UBR4: variants seen among roughly 807,000 people sequenced by gnomAD.
UBR4 encodes ubiquitin protein ligase E3 component n-recognin 4.
A neutral mutation model predicts 575.6 loss-of-function variants in UBR4; 124 were observed. The observed-to-expected ratio is 0.22, with a 90% CI of 0.19 to 0.25. The LOEUF (loss-of-function observed/expected upper bound fraction) is 0.25. Ranked by LOEUF, UBR4 falls within the 10% of genes least tolerant of loss-of-function variation. The pLI is 1.00. For synonymous variants in UBR4, 2,455 were observed against 2,473.7 expected (o/e 0.99, Z 0.22); for missense variants, 4,818 against 6,478.8 (o/e 0.74, Z 8.80).
intron 104 of UBR4, among the ~76,000 whole-genome samples, chr1:19,077,372 G>C (rs1553124260): frequency 2.0e-5 from 3 of 152,214 alleles, no homozygotes; most frequent in Non-Finnish European, 2.9e-5. Context: ...GAGAGACCCG[G>C]CGGGGAAGGT....
chr1:19,105,105 C>T lies in UBR4; in HGVS notation c.12588G>A (p.Trp4196Ter). The T allele has an allele frequency of 6.2e-7, 1 of 1,614,116 alleles. No individual in the cohort carries two copies. The change falls in exon 85 of 106, where the codon TGG becomes TGA. Residue 4196 changes from tryptophan (W) to a stop codon, truncating the protein, a stop_gained. Coordinates refer to ENST00000375254, the MANE Select transcript of UBR4 (RefSeq NM_020765.3). LOFTEE classifies it high-confidence loss of function. Reference protein sequence around the residue: ...LYQKLITSAHWKVYLAARGVL... With the variant: ...LYQKLITSAH ...CTCCCCGAGCTGCCAAGTAGACTTT[C>T]CAGTGCGCAGAAGTGATGAGCTTCT... is the stretch of plus-strand genomic sequence containing the variant.
chr1:19,180,099 G>A (rs946111013), intron 17 of UBR4, among the ~76,000 whole-genome samples: 4 of 152,232 alleles, frequency 2.6e-5, no homozygotes, highest in Non-Finnish European at 5.9e-5. Context: ...GGCAGAGACA[G>A]GAAGTATTAT....
At chr1:19,205,607 C>G (rs561896499) in intron 1 of UBR4, among the ~76,000 whole-genome samples, 18 of 151,146 alleles carry the variant, frequency 1.2e-4, no homozygotes, top group African/African-American at 4.4e-4. Context: ...AAAGACTAAT[C>G]TCACAATCAT....
intron 30 of UBR4, 50 bp from the exon 31 acceptor site, chr1:19,165,399 C>T (rs376606200): frequency 3.8e-5 from 56 of 1,459,730 alleles, no homozygotes; most frequent in Non-Finnish European, 5.1e-5. Flanking sequence ...TAAAGCCCCA[C>T]ATAAAAAGCA....
intron 49 of UBR4, among the ~76,000 whole-genome samples, chr1:19,148,925 G>A (rs1015001508): frequency 2.0e-5 from 3 of 152,298 alleles, no homozygotes; most frequent in African/African-American, 2.4e-5. Flanking sequence ...CCTGTGGCAG[G>A]GATCACTGAG....
intron 90 of UBR4, among the ~76,000 whole-genome samples, chr1:19,097,928 T>C (rs1225188393): frequency 6.6e-6 from 1 of 152,224 alleles, no homozygotes; most frequent in Non-Finnish European, 1.5e-5. Flanking sequence ...AATCAAGTCT[T>C]TTATAAATGA....
rs1441899928 is a variant in UBR4, at chr1:19,150,698, G to A, written c.7309C>T (p.Pro2437Ser). ...ACAGAGGCAGAAGGGAATTCTTCTG[G>A]GGGCTCATCAGGCCAGCCAAACTGC... ...KEQFGWPDEP[P>S]EEFPSASVSN... is the part of the protein sequence containing the mutation. Residue 2437 changes from proline to serine, a missense_variant, in exon 49 of 106, where the codon CCA (proline) becomes TCA (serine). Physicochemically the swap from Pro to Ser is moderately conservative, Grantham distance 74 (BLOSUM62 -1). Coordinates refer to ENST00000375254, the MANE Select transcript of UBR4 (RefSeq NM_020765.3). 2.5e-6 allele frequency: 4 copies of A among 1,614,006 alleles called. No individual in the cohort carries two copies. In the South Asian group the frequency reaches 4.4e-5, roughly 18 times the overall value.
chr1:19,137,933 A>G lies in UBR4; in HGVS notation c.8906+74T>C, dbSNP rs934024243. The G allele has an allele frequency of 1.6e-5, 22 of 1,337,514 alleles. No homozygotes were observed. The Admixed American group carries it at 4.9e-4, about 30-fold the overall frequency. The allele number at this position is 1,337,514 out of a possible 1,614,324, so 82.9% of individuals were successfully genotyped here. ...TGTTATCACTACTCTACCTCCTGCA[A>G]TTGATCAGTCCTACTATTCCTGAAA... On this transcript the variant is annotated intron_variant, in intron 60 of 105. Transcript: ENST00000375254.
At chr1:19,121,080 T>C in intron 68 of UBR4, 109 bp downstream of exon 68, 1 of 1,467,610 alleles carries the variant, frequency 6.8e-7, no homozygotes, top group Non-Finnish European at 9.2e-7. Context: ...GGGCTTTAAG[T>C]CCCCTCTAAA....
In UBR4 at chr1:19,081,586, C is replaced by T. The variant is rs534030895; in HGVS notation, c.15009-13G>A. On this transcript the variant is annotated splice_polypyrimidine_tract_variant and intron_variant, in intron 102 of 105. Transcript: ENST00000375254. ...AGTTGCTCGGGTTCTAGAAGAAAAG[C>T]GGCATGATAAAATAAAAGCAGGGTG... The T allele has an allele frequency of 5.6e-6, 9 of 1,613,780 alleles. No homozygotes were observed. Among genetic ancestry groups the T allele is most frequent in the South Asian group, 4.4e-5 (4 of 91,058 alleles).
chr1:19,130,540 G>A (rs1176248616), intron 60 of UBR4, among the ~76,000 whole-genome samples: 1 of 152,176 alleles, frequency 6.6e-6, no homozygotes, highest in Non-Finnish European at 1.5e-5. Context: ...ATGAAAGAAA[G>A]TACGGGGTCT....
Position 19,117,690 on chromosome 1 carries a change from C to T in UBR4, c.10629+133G>A. Reference sequence around the variant, plus strand: ...TTTCTATTTAAGGTAATAAATGTGGCAGATAAAAATTCCTACTATCGGTGA... The same window carrying T: ...TTTCTATTTAAGGTAATAAATGTGGTAGATAAAAATTCCTACTATCGGTGA... On this transcript the variant is annotated intron_variant, in intron 72 of 105. Transcript: ENST00000375254. This position sits in a 1 kb window ranked among gnomAD's most constrained non-coding sequence, Gnocchi z 4.0. The T allele has an allele frequency of 1.1e-6, 1 of 944,260 alleles. No homozygotes were observed. 58.5% of individuals were successfully genotyped at this position (944,260 alleles called of 1,614,324 possible).
chr1:19,152,610 G>C lies in UBR4; in HGVS notation c.6833-134C>G. On this transcript the variant is annotated intron_variant, in intron 46 of 105. Transcript: ENST00000375254. This position sits in a 1 kb window ranked among gnomAD's most constrained non-coding sequence, Gnocchi z 4.4. ...AACTCTGGATTATAACATTTGCATC[G>C]GCATGATGCCTACATGTGGTTAGCT... 8.5e-7 allele frequency: 1 copy of C among 1,178,882 alleles called. No individual in the cohort carries two copies. 73.0% of individuals were successfully genotyped at this position (1,178,882 alleles called of 1,614,324 possible). A position where few individuals can be genotyped will look rare whatever the true frequency, so the allele number is the denominator to read the frequency against.
At position 19,120,329 on chromosome 1, in the gene UBR4, C is replaced by G. The variant is rs2081032803; in HGVS notation, c.10161G>C (p.Gln3387His). The G allele has an allele frequency of 1.9e-6, 3 of 1,614,174 alleles. No individual in the cohort carries two copies. In the East Asian group the frequency reaches 6.7e-5, roughly 36 times the overall value. Reference protein sequence around the residue: ...KEKDGETSGSQEDQLCTALVN... With the variant: ...KEKDGETSGSHEDQLCTALVN... ...CCAGAGCTGTGCACAGCTGGTCCTC[C>G]TGGCTGCCAGAGGTCTCACCTGCAA... The change falls in exon 69 of 106, where the codon CAG (glutamine) becomes CAC (histidine). Residue 3387 changes from glutamine to histidine, a missense_variant. By Grantham distance (24) the Gln-to-His change is conservative. Coordinates refer to ENST00000375254, the MANE Select transcript of UBR4 (RefSeq NM_020765.3).
chr1:19,185,805 T>G (rs2091474302), intron 14 of UBR4, among the ~76,000 whole-genome samples: 1 of 151,968 alleles, frequency 6.6e-6, no homozygotes, highest in South Asian at 2.1e-4. Flanking sequence ...CTCCTGACCT[T>G]GTGATCTGCC....
chr1:19,137,856 G>T, intron 60 of UBR4, 151 bp downstream of exon 60: 1 of 825,188 alleles, frequency 1.2e-6, no homozygotes, highest in Non-Finnish European at 1.7e-6. Context: ...CACTTCCTAA[G>T]ACTTTAAACT....
rs1303251317 is a variant in UBR4, at chr1:19,201,646, C to CACTA, written c.274+68_274+71dup. 6 of 1,346,320 alleles carry CACTA rather than the reference C, an allele frequency of 4.5e-6. No homozygotes were observed. In the East Asian group the frequency reaches 9.7e-5, roughly 22 times the overall value. 83.4% of individuals were successfully genotyped at this position (1,346,320 alleles called of 1,614,324 possible). On this transcript the variant is annotated intron_variant, in intron 2 of 105. Transcript: ENST00000375254. ...ACTTCATTAACAACTTTTTCAGATACACTAACGAGAGGATAAACAATCCCC... is the reference window on the plus strand; with the variant it reads ...ACTTCATTAACAACTTTTTCAGATACACTAACTAACGAGAGGATAAACAATCCCC...
At position 19,106,942 on chromosome 1, in the gene UBR4, T is replaced by G. The variant is rs2079267528; in HGVS notation, c.12130A>C (p.Thr4044Pro). 1 of 1,612,328 alleles carries G rather than the reference T, an allele frequency of 6.2e-7. No homozygotes were observed. Among genetic ancestry groups the G allele is most frequent in the Non-Finnish European group, 8.5e-7 (1 of 1,179,950 alleles). Reference sequence around the variant, plus strand: ...ATCTCATTGCAGTATGGCTTCACCGTGGTGAGGGCCTCAACGGGGACATCC... The same window carrying G: ...ATCTCATTGCAGTATGGCTTCACCGGGGTGAGGGCCTCAACGGGGACATCC... ...NKDVPVEALT[T>P]VKPYCNEIHA... Residue 4044 changes from threonine to proline, a missense_variant, in exon 82 of 106, where the codon ACG (threonine) becomes CCG (proline). Around this residue, in one of 29 missense-constraint regions of UBR4, gnomAD observed 333 missense variants for 459.2 expected, o/e 0.73. Coordinates refer to ENST00000375254, the MANE Select transcript of UBR4 (RefSeq NM_020765.3).
Position 19,100,732 on chromosome 1 carries a change from A to C in UBR4, c.13024-159T>G, listed in dbSNP as rs1409077705. On this transcript the variant is annotated intron_variant, in intron 88 of 105. Coordinates refer to ENST00000375254, the MANE Select transcript of UBR4 (RefSeq NM_020765.3). The surrounding 1 kb of genome is among the most constrained non-coding windows in gnomAD (Gnocchi z 4.2). The stretch of plus-strand genomic sequence containing the variant: ...GGACAGGAAACTCAGAGGTACTTCC[A>C]AAAATCTAAACAAACTCAAGTAGAC... Among the ~76,000 whole-genome samples, 1 of 152,104 alleles carries C rather than the reference A, an allele frequency of 6.6e-6. No homozygotes were observed.
Sources: allele counts gnomAD v4.1 joint callset (sites outside exome capture counted in the v4.1 genomes callset), GRCh38; gene constraint gnomAD v4.1.1; regional missense constraint gnomAD v4.1.1; non-coding constraint Gnocchi (gnomAD v3.1); transcripts MANE v1.5; gene names NCBI Gene and HGNC (gene_info 2026-07-23, HGNC 2026-07-21).